OPA3: variants seen among roughly 807,000 people sequenced by gnomAD.
OPA3 encodes optic atrophy 3 protein.
Under a neutral mutation model 4.0 loss-of-function variants are expected in OPA3, and 6 were observed. That is an observed-to-expected ratio of 1.51 (90% confidence interval 0.83 to 2.99). The LOEUF (loss-of-function observed/expected upper bound fraction) is 2.99, where lower values mean the gene tolerates loss of function less well. OPA3 is among the 30% of genes most tolerant of loss of function. OPA3 has a pLI of 0.00. For synonymous variants in OPA3, 105 were observed against 117.1 expected (o/e 0.90, Z 0.67); for missense variants, 235 against 256.2 (o/e 0.92, Z 0.56).
At chr19:45,540,870 G>C (rs553114441) in intron 1 of OPA3, among the ~76,000 whole-genome samples, 1 of 152,244 alleles carries the variant, frequency 6.6e-6, no homozygotes, top group East Asian at 1.9e-4. Flanking sequence ...ATTGGCAAAT[G>C]CTGTCATGAA....
Position 45,539,574 on chromosome 19 carries a change from C to G in OPA3, c.143-10118G>C, listed in dbSNP as rs549927562. Among the ~76,000 whole-genome samples the G allele has an allele frequency of 5.3e-5, 8 of 152,218 alleles. No homozygotes were observed. The Middle Eastern group carries it at 0.014, about 259-fold the overall frequency. On this transcript the variant is annotated intron_variant, in intron 1 of 1. Coordinates refer to the OPA3 transcript ENST00000323060. ...TCAAGCTATCCACCCACTTCTGTCTCCCAAAGTGCTGGGATTACAGGCATG... is the reference window on the plus strand; with the variant it reads ...TCAAGCTATCCACCCACTTCTGTCTGCCAAAGTGCTGGGATTACAGGCATG...
intron 1 of OPA3, chr19:45,529,580 G>A: frequency 8.1e-7 from 1 of 1,237,308 alleles, no homozygotes; most frequent in Non-Finnish European, 1.2e-6. Flanking sequence ...GACGCGTGCT[G>A]GCGGGGACGC....
chr19:45,569,288 G>A lies in OPA3; in HGVS notation c.142+15335C>T, dbSNP rs535022253. On this transcript the variant is annotated intron_variant, in intron 1 of 1. Coordinates refer to ENST00000263275, the MANE Select transcript of OPA3 (RefSeq NM_025136.4). ...TCCCTGGCCAACATAGTGAAACACC[G>A]TCTCTACTAAAAATACAAAAATTAG... is the stretch of plus-strand genomic sequence containing the variant. Among the ~76,000 whole-genome samples, 10 of 152,240 alleles carry A rather than the reference G, an allele frequency of 6.6e-5. No homozygotes were observed. In the South Asian group the frequency reaches 1.9e-3, roughly 28 times the overall value.
rs1282898086 is a variant in OPA3 at position 45,548,242 on chromosome 19, G to A, written c.*5272C>T. On this transcript the variant is annotated 3_prime_UTR_variant, in exon 2 of 2. Coordinates refer to ENST00000263275, the MANE Select transcript of OPA3 (RefSeq NM_025136.4). ...GACCAGCCCAGGAGTAGCTCCGTGA[G>A]CCAATAGATCAGGTTGGGGCTTATG... 2 of 985,512 alleles carry A rather than the reference G, an allele frequency of 2.0e-6. No individual in the cohort carries two copies. The highest frequency in any genetic ancestry group is 2.4e-6 in the Non-Finnish European group (2 of 829,988). 61.0% of individuals were successfully genotyped at this position (985,512 alleles called of 1,614,324 possible).
At chr19:45,574,333 C>A (rs1432895779) in intron 1 of OPA3, among the ~76,000 whole-genome samples, 2 of 144,156 alleles carry the variant, frequency 1.4e-5, no homozygotes, top group Non-Finnish European at 3.0e-5. Flanking sequence ...GGAGGCGGAG[C>A]TTGCAATGAG....
Position 45,552,990 on chromosome 19 carries a change from C to A in OPA3, c.*524G>T. ...CGCTCCCAGCCGCACCGTTTTTTTCCTCCTTAAGAGAGCACTGATGCTCAG... is the reference window on the plus strand; with the variant it reads ...CGCTCCCAGCCGCACCGTTTTTTTCATCCTTAAGAGAGCACTGATGCTCAG... On this transcript the variant is annotated 3_prime_UTR_variant, in exon 2 of 2. Transcript: ENST00000263275. The A allele has an allele frequency of 6.0e-6, 6 of 993,450 alleles. No individual in the cohort carries two copies. The highest frequency in any genetic ancestry group is 7.2e-6 in the Non-Finnish European group (6 of 835,058). 61.5% of individuals were successfully genotyped at this position (993,450 alleles called of 1,614,324 possible).
chr19:45,563,676 C>A (rs373431410), intron 1 of OPA3, among the ~76,000 whole-genome samples: 1 of 151,828 alleles, frequency 6.6e-6, no homozygotes, highest in Non-Finnish European at 1.5e-5. Context: ...CCACCTCAGC[C>A]TCCCAAGTAG....
intron 1 of OPA3, among the ~76,000 whole-genome samples, chr19:45,581,711 C>T (rs59576165): frequency 0.012 from 1,808 of 152,316 alleles, 35 homozygotes; most frequent in African/African-American, 0.037. Context: ...TCACCTTGCC[C>T]GCTGCCTAGA....
chr19:45,563,277 A>G (rs1969532171), intron 1 of OPA3, among the ~76,000 whole-genome samples: 3 of 152,166 alleles, frequency 2.0e-5, no homozygotes, highest in Admixed American at 2.0e-4. Context: ...CTCCTGCCTC[A>G]GCCTCCTGAG....
chr19:45,580,756 C>T (rs1468487665), intron 1 of OPA3, among the ~76,000 whole-genome samples: 2 of 151,524 alleles, frequency 1.3e-5, no homozygotes, highest in Non-Finnish European at 2.9e-5. Flanking sequence ...GTAGCTGGGA[C>T]TACAGGTGTG....
chr19:45,564,666 A>G (rs775772278), intron 1 of OPA3, among the ~76,000 whole-genome samples: 1 of 152,154 alleles, frequency 6.6e-6, no homozygotes, highest in African/African-American at 2.4e-5. Context: ...GACGATGGGA[A>G]GGATCTGGGT....
At chr19:45,533,391 T>G (rs1002938737) in intron 1 of OPA3, among the ~76,000 whole-genome samples, 24 of 152,096 alleles carry the variant, frequency 1.6e-4, no homozygotes, top group African/African-American at 5.6e-4. Flanking sequence ...AGATGGGGTT[T>G]CACCAAGTTA....
At chr19:45,582,019 G>A (rs559219291) in intron 1 of OPA3, among the ~76,000 whole-genome samples, 23 of 151,964 alleles carry the variant, frequency 1.5e-4, no homozygotes, top group African/African-American at 2.9e-4. Flanking sequence ...GGCTGGTCTC[G>A]AACTCCTGAC....
rs985768710 is a variant in OPA3 at position 45,551,772 on chromosome 19, C to T, written c.*1742G>A. On this transcript the variant is annotated 3_prime_UTR_variant, in exon 2 of 2. Coordinates refer to ENST00000263275, the MANE Select transcript of OPA3 (RefSeq NM_025136.4). ...GGGCTATGGAGGCAGGAGGGTACTG[C>T]TACATGAAGACAGGCTGTCGGGTCA... 9 of 985,334 alleles carry T rather than the reference C, an allele frequency of 9.1e-6. No individual in the cohort carries two copies. Among genetic ancestry groups the T allele is most frequent in the Non-Finnish European group, 2.4e-6 (2 of 829,986 alleles). The allele number at this position is 985,334 out of a possible 1,614,324, so 61.0% of individuals were successfully genotyped here. A position where few individuals can be genotyped will look rare whatever the true frequency, so the allele number is the denominator to read the frequency against.
intron 1 of OPA3, among the ~76,000 whole-genome samples, chr19:45,567,103 G>A (rs1969594002): frequency 6.6e-6 from 1 of 151,996 alleles, no homozygotes. Context: ...ACTTTGGGAG[G>A]CCAAGCGGTG....
intron 1 of OPA3, among the ~76,000 whole-genome samples, chr19:45,532,649 T>C (rs187251352): frequency 0.014 from 2,079 of 152,244 alleles, 19 homozygotes; most frequent in Middle Eastern, 0.024. Context: ...ACTTATTTTT[T>C]CCCCCTAATT....
Position 45,532,547 on chromosome 19 carries a change from G to T in OPA3, c.143-3091C>A, listed in dbSNP as rs571666087. On this transcript the variant is annotated intron_variant, in intron 1 of 1. Transcript: ENST00000323060. ...CTCCTACCCCTTCCCAGTCTGGAAC[G>T]CCACCCTGCACTGATCTCCTCACTT... 3.9e-5 allele frequency among the ~76,000 whole-genome samples: 6 copies of T among 152,022 alleles called. No individual in the cohort carries two copies. The South Asian group carries it at 1.2e-3, about 32-fold the overall frequency.
At chr19:45,561,378 T>C (rs1455782305) in intron 1 of OPA3, among the ~76,000 whole-genome samples, 1 of 151,980 alleles carries the variant, frequency 6.6e-6, no homozygotes, top group Admixed American at 6.6e-5. Context: ...TCTTCCCCAC[T>C]ATTGGGAACA....
intron 1 of OPA3, among the ~76,000 whole-genome samples, chr19:45,559,113 A>AC (rs1453419613): frequency 6.6e-6 from 1 of 152,084 alleles, no homozygotes; most frequent in Admixed American, 6.6e-5. Context: ...CAAACTCCTG[A>AC]CCTCAAGTGA....
Sources: allele counts gnomAD v4.1 joint callset (sites outside exome capture counted in the v4.1 genomes callset), GRCh38; gene constraint gnomAD v4.1.1; transcripts MANE v1.5; gene names NCBI Gene and HGNC (gene_info 2026-07-23, HGNC 2026-07-21).